GRM8: variants seen among roughly 807,000 people sequenced by gnomAD.
The protein encoded by GRM8 is glutamate metabotropic receptor 8.
GRM8 carries 47 observed loss-of-function variants against 87.2 expected under a neutral mutation model. That is an observed-to-expected ratio of 0.54 (90% CI 0.43 to 0.69). The LOEUF (loss-of-function observed/expected upper bound fraction) is 0.69. Ranked by LOEUF, GRM8 falls within the 30% of genes least tolerant of loss-of-function variation. GRM8 has a pLI of 0.00. For missense variants in GRM8, 1,019 were observed against 1,139.2 expected (o/e 0.89, Z 1.52); for synonymous variants, 396 against 404.5 (o/e 0.98, Z 0.25).
At chr7:126,741,459 G>C (rs1814982443) in intron 7 of GRM8, among the ~76,000 whole-genome samples, 1 of 152,124 alleles carries the variant, frequency 6.6e-6, no homozygotes, top group African/African-American at 2.4e-5. Context: ...TGATATGTCT[G>C]CAAGGGTAGA....
intron 6 of GRM8, among the ~76,000 whole-genome samples, chr7:126,820,112 C>T (rs1269443677): frequency 1.3e-5 from 2 of 152,066 alleles, no homozygotes; most frequent in Non-Finnish European, 2.9e-5. Context: ...TTGTTAATGG[C>T]TATTTTTTGA....
intron 8 of GRM8, among the ~76,000 whole-genome samples, chr7:126,586,696 G>GC (rs1562980606): frequency 6.6e-6 from 1 of 151,864 alleles, no homozygotes; most frequent in East Asian, 1.9e-4. Flanking sequence ...TGGATTAAAG[G>GC]TTAAATGTTA....
At chr7:126,862,090 T>C (rs1298788025) in intron 6 of GRM8, among the ~76,000 whole-genome samples, 1 of 152,016 alleles carries the variant, frequency 6.6e-6, no homozygotes, top group East Asian at 1.9e-4. Context: ...AAATTTAAAC[T>C]ATTTTTGATT....
intron 8 of GRM8, among the ~76,000 whole-genome samples, chr7:126,589,500 G>A (rs1214519112): frequency 1.3e-5 from 2 of 152,136 alleles, no homozygotes; most frequent in Non-Finnish European, 2.9e-5. Flanking sequence ...GCTCAGACAT[G>A]TCTAACCCTG....
At chr7:126,918,054 C>A (rs1422762366) in intron 3 of GRM8, among the ~76,000 whole-genome samples, 1 of 152,080 alleles carries the variant, frequency 6.6e-6, no homozygotes, top group African/African-American at 2.4e-5. Context: ...GTAAACAACA[C>A]AATATGTAAA....
At chr7:126,545,311 T>C (rs1235709916) in intron 8 of GRM8, among the ~76,000 whole-genome samples, 1 of 152,222 alleles carries the variant, frequency 6.6e-6, no homozygotes, top group African/African-American at 2.4e-5. Context: ...AGGGCACATA[T>C]GGTATTTGTT....
chr7:126,986,565 A>G (rs17867724), intron 3 of GRM8, among the ~76,000 whole-genome samples: 33 of 152,346 alleles, frequency 2.2e-4, no homozygotes, highest in Non-Finnish European at 4.7e-4. Context: ...ATGCACTTTT[A>G]TATTTGTTAC....
Position 127,077,133 on chromosome 7 carries a change from T to A in GRM8, c.727+29363A>T, listed in dbSNP as rs1458861976. On this transcript the variant is annotated intron_variant, in intron 3 of 10. Coordinates refer to ENST00000339582, the MANE Select transcript of GRM8 (RefSeq NM_000845.3). The stretch of plus-strand genomic sequence containing the variant: ...CTTCAATGGAGTGTGTGTGCAGATG[T>A]GTCTGTGTGAGTATGTGTCTGTATC... 5.9e-5 allele frequency among the ~76,000 whole-genome samples: 9 copies of A among 152,282 alleles called. No homozygotes were observed. The South Asian group carries it at 1.9e-3, about 32-fold the overall frequency.
In GRM8 at chr7:126,528,049, C is replaced by T. The variant is rs191171393; in HGVS notation, c.2430+4903G>A. 4.9e-3 allele frequency among the ~76,000 whole-genome samples: 740 copies of T among 152,154 alleles called. 8 individuals are homozygous for T. Among genetic ancestry groups the T allele is most frequent in the African/African-American group, 0.017 (698 of 41,494 alleles). ...TGAAACCCCGTCTCTATTAAAAATA[C>T]AAAAATTAGCTGGGAGTGGTGGCGT... is the stretch of plus-strand genomic sequence containing the variant. On this transcript the variant is annotated intron_variant, in intron 9 of 10. Coordinates refer to ENST00000339582, the MANE Select transcript of GRM8 (RefSeq NM_000845.3).
intron 6 of GRM8, among the ~76,000 whole-genome samples, chr7:126,863,973 T>G (rs930225509): frequency 6.6e-6 from 1 of 150,878 alleles, no homozygotes; most frequent in Non-Finnish European, 1.5e-5. Flanking sequence ...TTTTAATTAT[T>G]ATATATATAA....
chr7:126,503,520 CA>C (rs1375854080), intron 9 of GRM8, among the ~76,000 whole-genome samples: 1 of 151,940 alleles, frequency 6.6e-6, no homozygotes, highest in Non-Finnish European at 1.5e-5. Context: ...GCAATTGTTT[CA>C]TTGTTGTTAG....
chr7:126,875,395 C>G (rs1243458611), intron 6 of GRM8, among the ~76,000 whole-genome samples: 1 of 151,978 alleles, frequency 6.6e-6, no homozygotes, highest in Non-Finnish European at 1.5e-5. Flanking sequence ...GTTTGGGATA[C>G]CCACAGAAGG....
At chr7:126,492,191 T>C (rs1440665045) in intron 9 of GRM8, among the ~76,000 whole-genome samples, 2 of 151,928 alleles carry the variant, frequency 1.3e-5, no homozygotes, top group African/African-American at 4.8e-5. Flanking sequence ...GCTGGGACTA[T>C]AGGCATGCAC....
At chr7:127,098,731 A>G (rs1586997222) in intron 3 of GRM8, among the ~76,000 whole-genome samples, 1 of 152,336 alleles carries the variant, frequency 6.6e-6, no homozygotes, top group Middle Eastern at 3.4e-3. Context: ...TAATATTCGG[A>G]ACATGTCAAA....
chr7:127,099,621 A>AC (rs142565571), intron 3 of GRM8, among the ~76,000 whole-genome samples: 1,693 of 152,270 alleles, frequency 0.011, 26 homozygotes, highest in African/African-American at 0.038. Context: ...ACATTCCAAA[A>AC]GGAATTTGTG....
chr7:126,712,900 C>T (rs1811264237), intron 7 of GRM8, among the ~76,000 whole-genome samples: 1 of 152,152 alleles, frequency 6.6e-6, no homozygotes, highest in Admixed American at 6.5e-5. Context: ...AACGAGACAC[C>T]ATCTCACGCC....
At chr7:126,803,408 A>G (rs1228165577) in intron 6 of GRM8, among the ~76,000 whole-genome samples, 3 of 152,228 alleles carry the variant, frequency 2.0e-5, no homozygotes, top group African/African-American at 7.2e-5. Flanking sequence ...AGTTGAGAGG[A>G]GGGAACTCTA....
At chr7:126,754,660 C>A (rs1458455876) in intron 7 of GRM8, among the ~76,000 whole-genome samples, 1 of 151,684 alleles carries the variant, frequency 6.6e-6, no homozygotes, top group African/African-American at 2.4e-5. Flanking sequence ...TTATTTATTT[C>A]TTCTATTTCT....
chr7:127,012,349 C>T (rs1814980105), intron 3 of GRM8, among the ~76,000 whole-genome samples: 1 of 151,962 alleles, frequency 6.6e-6, no homozygotes, highest in African/African-American at 2.4e-5. Context: ...ACTGTGCTAG[C>T]AATAAGAAAC....
Sources: allele counts gnomAD v4.1 joint callset (sites outside exome capture counted in the v4.1 genomes callset), GRCh38; gene constraint gnomAD v4.1.1; transcripts MANE v1.5; gene names NCBI Gene and HGNC (gene_info 2026-07-23, HGNC 2026-07-21).